Variants in MITF observed in about 807,000 individuals in gnomAD.
The protein encoded by MITF is melanocyte inducing transcription factor, also known as microphthalmia-associated transcription factor.
In MITF, 17 loss-of-function variants were observed where a neutral mutation model predicts 60.5. That is an observed-to-expected ratio of 0.28 (90% CI 0.19 to 0.42). The LOEUF is 0.42. Ranked by LOEUF, MITF falls within the 10% of genes least tolerant of loss-of-function variation. The probability of loss-of-function intolerance (pLI) is 1.00; values close to 1 mark genes in which losing one functional copy is unlikely to be tolerated. For synonymous variants in MITF, 260 were observed against 248.5 expected (o/e 1.05, Z -0.43); for missense variants, 622 against 683.5 (o/e 0.91, Z 1.00).
intron 3 of MITF, chr3:69,938,498 GAAGA>G: frequency 6.9e-7 from 1 of 1,459,608 alleles, no homozygotes; most frequent in South Asian, 1.5e-5. Context: ...TGAGTTGGGG[GAAGA>G]AAGAATGGAA....
rs906647452 is a variant in MITF at position 69,948,962 on chromosome 3, A to G, written c.763-89A>G. On this transcript the variant is annotated intron_variant, in intron 5 of 9. Transcript: ENST00000352241. ...TTTTGTATCAAATAATTTTTCTTAA[A>G]TAAATCCTAGAGTAGGATATAGGTT... 14 of 943,170 alleles carry G rather than the reference A, an allele frequency of 1.5e-5. No individual in the cohort carries two copies. In the East Asian group the frequency reaches 3.5e-4, roughly 23 times the overall value. The allele number at this position is 943,170 out of a possible 1,614,324, so 58.4% of individuals were successfully genotyped here.
At chr3:69,917,959 T>C (rs1217241294) in intron 2 of MITF, among the ~76,000 whole-genome samples, 1 of 152,188 alleles carries the variant, frequency 6.6e-6, no homozygotes, top group African/African-American at 2.4e-5. Flanking sequence ...ACCATAATGT[T>C]GTCAGAGTTT....
intron 1 of MITF, among the ~76,000 whole-genome samples, chr3:69,827,814 A>C (rs2063380932): frequency 1.3e-5 from 2 of 152,152 alleles, no homozygotes; most frequent in South Asian, 4.1e-4. Context: ...CCAAGGCTCC[A>C]AATTAGTGGC....
At chr3:69,894,947 T>C (rs945376146) in intron 2 of MITF, among the ~76,000 whole-genome samples, 2 of 152,186 alleles carry the variant, frequency 1.3e-5, no homozygotes, top group African/African-American at 4.8e-5. Context: ...TCACAATTGA[T>C]ACTGCAACCA....
At position 69,832,104 on chromosome 3, in the gene MITF, A is replaced by C. The variant is rs138460881; in HGVS notation, c.105-47030A>C. 2.1e-3 allele frequency among the ~76,000 whole-genome samples: 314 copies of C among 152,304 alleles called. 1 individual carries two copies. The highest frequency in any genetic ancestry group is 6.9e-3 in the African/African-American group (285 of 41,576). ...ATGGTCAAACTTAGTGAGTGAATACAATACATGTCATTTTGTTCACTCTCA... is the reference window on the plus strand; with the variant it reads ...ATGGTCAAACTTAGTGAGTGAATACCATACATGTCATTTTGTTCACTCTCA... On this transcript the variant is annotated intron_variant, in intron 1 of 9. Transcript: ENST00000352241.
At chr3:69,947,016 T>A (rs981922194) in intron 5 of MITF, among the ~76,000 whole-genome samples, 1 of 152,186 alleles carries the variant, frequency 6.6e-6, no homozygotes, top group African/African-American at 2.4e-5. Context: ...AAATATGTTC[T>A]TGTCCAGAAG....
At chr3:69,935,659 A>G (rs183831196) in intron 2 of MITF, among the ~76,000 whole-genome samples, 1 of 152,334 alleles carries the variant, frequency 6.6e-6, no homozygotes, top group Admixed American at 6.5e-5. Context: ...AGCTTAACAT[A>G]ACATTTGTCA....
chr3:69,755,158 T>G lies in MITF; in HGVS notation c.104+15457T>G, dbSNP rs1204260818. ...TTTTTGTCTTTATCAACATGTTTCC[T>G]TTCATCATAATTATAGACTATAGCT... On this transcript the variant is annotated intron_variant, in intron 1 of 9. Coordinates refer to ENST00000352241, the MANE Select transcript of MITF (RefSeq NM_001354604.2). 3.3e-5 allele frequency among the ~76,000 whole-genome samples: 5 copies of G among 152,346 alleles called. 1 individual carries two copies. The highest frequency in any genetic ancestry group is 1.2e-4 in the African/African-American group (5 of 41,568).
intron 1 of MITF, among the ~76,000 whole-genome samples, chr3:69,819,994 A>T (rs151242486): frequency 4.6e-5 from 7 of 152,216 alleles, no homozygotes; most frequent in African/African-American, 1.7e-4. Context: ...AAAACATAAA[A>T]GCTAGAGTTA....
intron 1 of MITF, among the ~76,000 whole-genome samples, chr3:69,851,630 T>C (rs971139318): frequency 6.6e-6 from 1 of 152,052 alleles, no homozygotes; most frequent in Non-Finnish European, 1.5e-5. Context: ...AGAAAACTGA[T>C]AGGTGGTTTC....
intron 2 of MITF, among the ~76,000 whole-genome samples, chr3:69,889,523 G>C (rs1310773123): frequency 1.3e-5 from 2 of 149,550 alleles, no homozygotes; most frequent in Non-Finnish European, 3.0e-5. Flanking sequence ...TAATTTTAAT[G>C]TATTTTATTT....
chr3:69,893,790 T>C (rs890184932), intron 2 of MITF, among the ~76,000 whole-genome samples: 2 of 152,224 alleles, frequency 1.3e-5, no homozygotes, highest in Admixed American at 6.5e-5. Context: ...TACCTGGCTA[T>C]GTAGATTCCT....
chr3:69,814,277 A>G (rs535342115), intron 1 of MITF, among the ~76,000 whole-genome samples: 3 of 152,282 alleles, frequency 2.0e-5, no homozygotes, highest in Non-Finnish European at 2.9e-5. Flanking sequence ...ATAGTTTATA[A>G]GGAACAACTT....
intron 1 of MITF, among the ~76,000 whole-genome samples, chr3:69,819,449 C>T (rs2063231745): frequency 6.6e-6 from 1 of 152,194 alleles, no homozygotes; most frequent in South Asian, 2.1e-4. Context: ...TTCTTTCAGG[C>T]AGGCATTGTT....
At chr3:69,892,102 A>G (rs998877173) in intron 2 of MITF, among the ~76,000 whole-genome samples, 1 of 152,164 alleles carries the variant, frequency 6.6e-6, no homozygotes, top group African/African-American at 2.4e-5. Flanking sequence ...TTACTAATAA[A>G]TGTAGATGCT....
intron 9 of MITF, among the ~76,000 whole-genome samples, chr3:69,960,030 A>G (rs1312862060): frequency 2.0e-5 from 3 of 152,238 alleles, no homozygotes; most frequent in Non-Finnish European, 4.4e-5. Flanking sequence ...TGTTGTGACT[A>G]GGGTCTCACA....
chr3:69,931,360 A>T (rs1028583147), intron 2 of MITF, among the ~76,000 whole-genome samples: 1 of 152,146 alleles, frequency 6.6e-6, no homozygotes, highest in Non-Finnish European at 1.5e-5. Context: ...TTTTAGCCTG[A>T]GGGAGAAAAA....
intron 1 of MITF, among the ~76,000 whole-genome samples, chr3:69,746,189 A>G (rs940166198): frequency 6.6e-6 from 1 of 152,196 alleles, no homozygotes; most frequent in African/African-American, 2.4e-5. Context: ...ACTACTATTT[A>G]CAGATTTTAC....
At chr3:69,740,655 T>C (rs1703497545) in intron 1 of MITF, among the ~76,000 whole-genome samples, 1 of 152,232 alleles carries the variant, frequency 6.6e-6, no homozygotes, top group African/African-American at 2.4e-5. Context: ...TCGTTTACAA[T>C]GTTTCCTAAA....
Sources: allele counts gnomAD v4.1 joint callset (sites outside exome capture counted in the v4.1 genomes callset), GRCh38; gene constraint gnomAD v4.1.1; transcripts MANE v1.5; gene names NCBI Gene and HGNC (gene_info 2026-07-23, HGNC 2026-07-21).